ODF2L: variants seen among roughly 807,000 people sequenced by gnomAD.
The protein encoded by ODF2L is protein BCAP.
A neutral mutation model predicts 86.3 loss-of-function variants in ODF2L; 76 were observed. The observed-to-expected ratio is 0.88, with a 90% CI of 0.73 to 1.07. The LOEUF is 1.07. Among genes scored for constraint, ODF2L ranks in the 50% least tolerant of loss-of-function variants. ODF2L has a pLI of 0.00. For synonymous variants in ODF2L, 241 were observed against 231.3 expected (o/e 1.04, Z -0.38); for missense variants, 748 against 717.4 (o/e 1.04, Z -0.49).
At chr1:86,391,332 AAAC>A (rs1303710672) in intron 1 of ODF2L, among the ~76,000 whole-genome samples, 4 of 152,208 alleles carry the variant, frequency 2.6e-5, no homozygotes, top group Non-Finnish European at 5.9e-5. Flanking sequence ...GAACTAGAAA[AAAC>A]AATTCTGAAA....
chr1:86,380,741 G>C (rs1278987060), intron 7 of ODF2L, among the ~76,000 whole-genome samples: 1 of 151,970 alleles, frequency 6.6e-6, no homozygotes, highest in African/African-American at 2.4e-5. Context: ...ATTTTATACA[G>C]ACAATCATTC....
chr1:86,372,701 C>A, intron 8 of ODF2L, 161 bp from the exon 9 acceptor site: 1 of 409,132 alleles, frequency 2.4e-6, no homozygotes, highest in Admixed American at 4.5e-5. Flanking sequence ...CAGTGCAATT[C>A]ATAATTGCAA....
At chr1:86,394,908 T>A (rs1450214771) in intron 1 of ODF2L, among the ~76,000 whole-genome samples, 1 of 149,434 alleles carries the variant, frequency 6.7e-6, no homozygotes, top group Non-Finnish European at 1.5e-5. Flanking sequence ...TGGCGCGATC[T>A]CGGCTCACGG....
At chr1:86,358,833 T>G in exon 13 of ODF2L, 1 of 1,549,982 alleles carries the variant, frequency 6.5e-7, no homozygotes, top group Non-Finnish European at 8.7e-7. Flanking sequence ...GTTATTTTTA[T>G]GTAGCAAATT....
chr1:86,356,723 G>C (rs1312797879), intron 13 of ODF2L, 121 bp from the exon 13 acceptor site: 3 of 670,004 alleles, frequency 4.5e-6, no homozygotes, highest in Non-Finnish European at 6.8e-6. Context: ...CTTTAAATAA[G>C]AACACAACTG....
Position 86,383,127 on chromosome 1 carries a change from GACTT to G in ODF2L, c.435+3_435+6del. The G allele has an allele frequency of 6.5e-7, 1 of 1,527,766 alleles. No homozygotes were observed. Among genetic ancestry groups the G allele is most frequent in the Non-Finnish European group, 9.0e-7 (1 of 1,109,182 alleles). The allele number at this position is 1,527,766 out of a possible 1,614,324, so 94.6% of individuals were successfully genotyped here. On this transcript the variant is annotated splice_donor_5th_base_variant and intron_variant, in intron 5 of 17. Coordinates refer to ENST00000317336, the Ensembl canonical transcript of ODF2L. ...AATGGACACAAAGTAAGTGTGGAAA[GACTT>G]ACAGTATTTTCACTTTCATTATCAG...
At chr1:86,352,278 T>A in intron 17 of ODF2L, 2 of 1,399,978 alleles carry the variant, frequency 1.4e-6, no homozygotes, top group East Asian at 2.8e-5. Flanking sequence ...AATTTAATCA[T>A]GAGTAATGCT....
chr1:86,376,237 T>C lies in ODF2L; in HGVS notation c.806A>G (p.Asp269Gly), dbSNP rs367884908. ...AAAAAGAATGCATTTACATACCTGA[T>C]CTCTAATTTGGGAAGTAAGCTTTTC... is the stretch of plus-strand genomic sequence containing the variant. Residue 269 changes from aspartate (D) to glycine (G), a missense_variant, in exon 8 of 18, where the codon GAT (aspartate) becomes GGT (glycine). Transcript: ENST00000317336. 186 of 1,593,918 alleles carry C rather than the reference T, an allele frequency of 1.2e-4. No individual in the cohort carries two copies. Among genetic ancestry groups the C allele is most frequent in the Non-Finnish European group, 1.5e-4 (176 of 1,164,066 alleles).
intron 7 of ODF2L, among the ~76,000 whole-genome samples, chr1:86,381,460 G>A (rs1660582195): frequency 6.6e-6 from 1 of 151,912 alleles, no homozygotes; most frequent in South Asian, 2.1e-4. Context: ...CCAAACTCGA[G>A]TATGGTTTTG....
intron 4 of ODF2L, among the ~76,000 whole-genome samples, chr1:86,383,410 A>T (rs1028461932): frequency 3.3e-5 from 5 of 151,824 alleles, no homozygotes; most frequent in African/African-American, 1.2e-4. Flanking sequence ...TAATCTCAAA[A>T]GAATGCTTCA....
At chr1:86,375,463 T>G (rs1268001250) in intron 8 of ODF2L, among the ~76,000 whole-genome samples, 1 of 152,156 alleles carries the variant, frequency 6.6e-6, no homozygotes. Flanking sequence ...CAAGTCTGTT[T>G]TCATTTCTAA....
chr1:86,352,888 GTTC>G, exon 17 of ODF2L: 1 of 1,548,238 alleles, frequency 6.5e-7, no homozygotes, highest in African/African-American at 1.4e-5. Flanking sequence ...AGTTGATTTT[GTTC>G]TTCATTTTTC....
chr1:86,366,466 A>T (rs1243067063), intron 11 of ODF2L, among the ~76,000 whole-genome samples: 1 of 151,290 alleles, frequency 6.6e-6, no homozygotes, highest in African/African-American at 2.4e-5. Context: ...ATTCACACAC[A>T]CAAATTAGCT....
exon 17 of ODF2L, chr1:86,352,897 T>C: frequency 6.4e-7 from 1 of 1,555,022 alleles, no homozygotes; most frequent in Non-Finnish European, 8.8e-7. Flanking sequence ...TGTTCTTCAT[T>C]TTTCTTTCTA....
intron 11 of ODF2L, 151 bp from the exon 11 acceptor site, chr1:86,360,687 T>G (rs1658969306): frequency 2.3e-6 from 1 of 438,286 alleles, no homozygotes; most frequent in Non-Finnish European, 4.0e-6. Context: ...ATTTAGGAAT[T>G]TCACAAAGCT....
chr1:86,360,190 TA>T (rs1479503384), intron 12 of ODF2L, among the ~76,000 whole-genome samples: 1 of 152,194 alleles, frequency 6.6e-6, no homozygotes, highest in Non-Finnish European at 1.5e-5. Context: ...TAATTCATTT[TA>T]AATCTACTTT....
intron 7 of ODF2L, among the ~76,000 whole-genome samples, chr1:86,377,523 C>T (rs1054124145): frequency 3.9e-5 from 6 of 152,182 alleles, no homozygotes; most frequent in African/African-American, 1.4e-4. Context: ...GCAGAGGTTC[C>T]CCATAAGGGC....
downstream of ODF2L, chr1:86,347,257 T>C (rs1657852403): frequency 6.6e-6 from 1 of 152,254 alleles, no homozygotes; most frequent in South Asian, 2.1e-4. Context: ...TCTGTCCATC[T>C]ATCCACAAAC....
chr1:86,353,577 A>G (rs1401815225), intron 16 of ODF2L, among the ~76,000 whole-genome samples: 2 of 152,166 alleles, frequency 1.3e-5, no homozygotes, highest in African/African-American at 4.8e-5. Context: ...AAGGAAGCCT[A>G]TTTGTAAGAA....
Sources: allele counts gnomAD v4.1 joint callset (sites outside exome capture counted in the v4.1 genomes callset), GRCh38; gene constraint gnomAD v4.1.1; transcripts MANE v1.5; gene names NCBI Gene and HGNC (gene_info 2026-07-23, HGNC 2026-07-21).